The following ATP2B2 variants were observed in gnomAD, a reference collection of about 807,000 sequenced individuals.
ATP2B2 encodes the protein plasma membrane calcium-transporting ATPase 2.
Under a neutral mutation model 120.0 loss-of-function variants are expected in ATP2B2, and 15 were observed. The observed-to-expected ratio is 0.12, with a 90% CI of 0.08 to 0.19. ATP2B2 has a LOEUF of 0.19. Among genes scored for constraint, ATP2B2 ranks in the 10% least tolerant of loss-of-function variants. The pLI, the probability that ATP2B2 is intolerant of heterozygous loss-of-function variation, is 1.00. For missense variants in ATP2B2, 1,045 were observed against 1,719.8 expected (o/e 0.61, Z 6.94); for synonymous variants, 694 against 700.3 (o/e 0.99, Z 0.14).
intron 11 of ATP2B2, among the ~76,000 whole-genome samples, chr3:10,373,072 G>A (rs1353569425): frequency 6.6e-6 from 1 of 152,068 alleles, no homozygotes; most frequent in Non-Finnish European, 1.5e-5. Flanking sequence ...ATATTCTCTG[G>A]CAGTTTCTCC....
At chr3:10,630,465 T>C (rs2069831167) in intron 1 of ATP2B2, among the ~76,000 whole-genome samples, 1 of 152,228 alleles carries the variant, frequency 6.6e-6, no homozygotes, top group African/African-American at 2.4e-5. Context: ...GTATAATGGC[T>C]TCCAGCTCCA....
rs546732810 is a variant in ATP2B2, at chr3:10,470,010, G to T, written c.-319-20148C>A. Among the ~76,000 whole-genome samples the T allele has an allele frequency of 5.3e-5, 8 of 152,182 alleles. No homozygotes were observed. The South Asian group carries it at 1.0e-3, about 20-fold the overall frequency. On this transcript the variant is annotated intron_variant, in intron 1 of 22. Coordinates refer to ENST00000360273, the MANE Select transcript of ATP2B2 (RefSeq NM_001001331.4). ...AATAATAGAACAGCGCAGCCCCCGT[G>T]GGGGCTGCTTAAGATAGGCAGATCT...
intron 3 of ATP2B2, among the ~76,000 whole-genome samples, chr3:10,525,082 G>T (rs2067064944): frequency 6.6e-6 from 1 of 152,212 alleles, no homozygotes; most frequent in Non-Finnish European, 1.5e-5. Flanking sequence ...GCCAGTGGGA[G>T]AACTGGTTTT....
chr3:10,399,510 A>G (rs945710921), intron 5 of ATP2B2, among the ~76,000 whole-genome samples: 3 of 152,194 alleles, frequency 2.0e-5, no homozygotes, highest in Non-Finnish European at 4.4e-5. Context: ...CATTATCTGA[A>G]GTTACCTTGC....
At chr3:10,691,779 T>G (rs2071667809) in intron 1 of ATP2B2, among the ~76,000 whole-genome samples, 1 of 152,194 alleles carries the variant, frequency 6.6e-6, no homozygotes, top group Admixed American at 6.5e-5. Context: ...ATGTCTGCAC[T>G]TAGGAGGTGC....
intron 2 of ATP2B2, among the ~76,000 whole-genome samples, chr3:10,543,618 G>A (rs1420268585): frequency 6.6e-6 from 1 of 152,094 alleles, no homozygotes; most frequent in Non-Finnish European, 1.5e-5. Flanking sequence ...TACCACAATA[G>A]ATTTGTTATT....
intron 2 of ATP2B2, among the ~76,000 whole-genome samples, chr3:10,578,638 T>C (rs1302145793): frequency 1.3e-5 from 2 of 152,020 alleles, no homozygotes; most frequent in Non-Finnish European, 2.9e-5. Context: ...TCACTATAGC[T>C]TAAGACTGGA....
chr3:10,535,074 T>C (rs1324148240), intron 2 of ATP2B2, among the ~76,000 whole-genome samples: 1 of 151,908 alleles, frequency 6.6e-6, no homozygotes, highest in Non-Finnish European at 1.5e-5. Flanking sequence ...TGACTAACTT[T>C]TTTGTATTTT....
chr3:10,574,245 AG>A (rs1466027047), intron 2 of ATP2B2, among the ~76,000 whole-genome samples: 2 of 152,066 alleles, frequency 1.3e-5, no homozygotes, highest in Non-Finnish European at 2.9e-5. Context: ...ATTCCACATA[AG>A]GGGGAAACAT....
At chr3:10,590,894 C>T (rs2068628479) in intron 2 of ATP2B2, among the ~76,000 whole-genome samples, 1 of 152,108 alleles carries the variant, frequency 6.6e-6, no homozygotes, top group African/African-American at 2.4e-5. Flanking sequence ...GGCTCCCTGA[C>T]CTCCTAGTCC....
intron 1 of ATP2B2, among the ~76,000 whole-genome samples, chr3:10,683,717 CAT>C (rs367770017): frequency 0.024 from 2,034 of 83,136 alleles, 97 homozygotes; most frequent in East Asian, 0.094. Flanking sequence ...TATGTATATA[CAT>C]GTGTGTGTGT....
chr3:10,680,677 CATTG>C (rs2071361390), intron 1 of ATP2B2, among the ~76,000 whole-genome samples: 1 of 152,168 alleles, frequency 6.6e-6, no homozygotes, highest in African/African-American at 2.4e-5. Context: ...CTGATCCTCT[CATTG>C]ATTAATAGAA....
intron 2 of ATP2B2, among the ~76,000 whole-genome samples, chr3:10,595,373 G>C (rs2068742799): frequency 6.6e-6 from 1 of 152,228 alleles, no homozygotes; most frequent in Non-Finnish European, 1.5e-5. Context: ...GTCCTAATTA[G>C]TAAGGTGTAC....
chr3:10,627,798 T>C (rs2069747296), intron 1 of ATP2B2, among the ~76,000 whole-genome samples: 1 of 152,222 alleles, frequency 6.6e-6, no homozygotes. Context: ...ACCCAGTGTC[T>C]GACCTCGTGG....
At chr3:10,611,126 C>T (rs1364959119) in intron 2 of ATP2B2, among the ~76,000 whole-genome samples, 3 of 152,224 alleles carry the variant, frequency 2.0e-5, no homozygotes, top group Non-Finnish European at 4.4e-5. Context: ...TCAGGAGGCA[C>T]CGTCTGCCTG....
chr3:10,332,886 T>C (rs997861346), intron 22 of ATP2B2, among the ~76,000 whole-genome samples: 2 of 152,072 alleles, frequency 1.3e-5, no homozygotes, highest in Non-Finnish European at 2.9e-5. Flanking sequence ...TCTGGAAATG[T>C]TGAGTGGGGC....
At chr3:10,623,952 T>C (rs1288456183) in intron 1 of ATP2B2, among the ~76,000 whole-genome samples, 3 of 152,166 alleles carry the variant, frequency 2.0e-5, no homozygotes, top group Admixed American at 1.3e-4. Flanking sequence ...CAGCTGCTCT[T>C]GGGGCCCGAG....
intron 1 of ATP2B2, among the ~76,000 whole-genome samples, chr3:10,691,223 G>T (rs974178845): frequency 3.3e-5 from 5 of 152,166 alleles, no homozygotes; most frequent in African/African-American, 1.2e-4. Flanking sequence ...TGCAATATGG[G>T]GATAGGAATA....
chr3:10,551,134 C>A (rs2067660784), intron 2 of ATP2B2, among the ~76,000 whole-genome samples: 1 of 152,196 alleles, frequency 6.6e-6, no homozygotes, highest in Non-Finnish European at 1.5e-5. Context: ...GCAGGGCATA[C>A]CAAGTCGCTC....
Sources: gnomAD v4.1 joint callset for allele counts (sites outside exome capture counted in the v4.1 genomes callset) on GRCh38, gnomAD v4.1.1 for gene constraint, MANE v1.5 for transcripts, NCBI Gene and HGNC (gene_info 2026-07-23, HGNC 2026-07-21) for gene names.